The following C9orf153 variants were observed in gnomAD, a reference collection of about 807,000 sequenced individuals.
The protein encoded by C9orf153 is chromosome 9 open reading frame 153, also known as uncharacterized protein C9orf153.
Under a neutral mutation model 9.0 loss-of-function variants are expected in C9orf153, and 10 were observed. That is an observed-to-expected ratio of 1.11 (90% CI 0.69 to 1.89). C9orf153 has a LOEUF of 1.89. Among genes scored for constraint, C9orf153 ranks in the 40% most tolerant of loss-of-function variants. The pLI is 0.00. For missense variants in C9orf153, 108 were observed against 111.0 expected (o/e 0.97, Z 0.12); for synonymous variants, 35 against 37.3 (o/e 0.94, Z 0.23).
rs76594743 is a variant in C9orf153, at chr9:86,238,133, G to A, written c.-26-8504C>T. On this transcript the variant is annotated intron_variant, in intron 1 of 3. Transcript: ENST00000339137. Reference sequence around the variant, plus strand: ...AAAAAACCCAAAACAAACCATGGGAGGCAAAAACTGATAGAAGTACAAGAA... The same window carrying A: ...AAAAAACCCAAAACAAACCATGGGAAGCAAAAACTGATAGAAGTACAAGAA... Among the ~76,000 whole-genome samples the A allele has an allele frequency of 2.9e-3, 440 of 152,094 alleles. 1 individual carries two copies. Among genetic ancestry groups the A allele is most frequent in the African/African-American group, 9.7e-3 (402 of 41,496 alleles).
chr9:86,236,414 T>C (rs748996309), intron 1 of C9orf153, among the ~76,000 whole-genome samples: 16 of 151,930 alleles, frequency 1.1e-4, no homozygotes, highest in Non-Finnish European at 1.8e-4. Flanking sequence ...GCCAGCTTAG[T>C]GGCGTGCATC....
intron 1 of C9orf153, among the ~76,000 whole-genome samples, chr9:86,255,857 G>C (rs1353233645): frequency 6.6e-6 from 1 of 152,172 alleles, no homozygotes; most frequent in Non-Finnish European, 1.5e-5. Flanking sequence ...TCCTACAGGG[G>C]TGTTGTTTTC....
At chr9:86,252,567 ACTATTGGGGCC>A (rs1427585094) in intron 1 of C9orf153, among the ~76,000 whole-genome samples, 1 of 152,172 alleles carries the variant, frequency 6.6e-6, no homozygotes, top group Non-Finnish European at 1.5e-5. Context: ...GAACTTTTTT[ACTATTGGGGCC>A]CCTGGAAGTC....
chr9:86,235,444 C>T (rs972700826), intron 1 of C9orf153, among the ~76,000 whole-genome samples: 6 of 151,990 alleles, frequency 3.9e-5, no homozygotes, highest in East Asian at 1.9e-4. Flanking sequence ...CTCAACAGAA[C>T]GTTCCAAACC....
chr9:86,257,769 T>C (rs1484141138), intron 1 of C9orf153, among the ~76,000 whole-genome samples: 3 of 152,190 alleles, frequency 2.0e-5, no homozygotes. Context: ...CAATCAGACT[T>C]AGCTCCTCAG....
chr9:86,243,345 A>G (rs919097245), intron 1 of C9orf153, among the ~76,000 whole-genome samples: 7 of 152,224 alleles, frequency 4.6e-5, no homozygotes, highest in Admixed American at 2.0e-4. Context: ...ATGTTCAAGT[A>G]TAAACCTTTC....
At chr9:86,248,171 T>C (rs1379020399) in intron 1 of C9orf153, among the ~76,000 whole-genome samples, 4 of 152,182 alleles carry the variant, frequency 2.6e-5, no homozygotes, top group Non-Finnish European at 4.4e-5. Flanking sequence ...TCTCACTCTG[T>C]TGCCCAGGCT....
intron 1 of C9orf153, among the ~76,000 whole-genome samples, chr9:86,257,544 T>C (rs1012705815): frequency 1.3e-5 from 2 of 152,246 alleles, no homozygotes; most frequent in Admixed American, 1.3e-4. Context: ...AAATGCCTAA[T>C]GGACTTTCCT....
chr9:86,226,400 C>A (rs556424412), intron 3 of C9orf153, among the ~76,000 whole-genome samples: 1 of 152,000 alleles, frequency 6.6e-6, no homozygotes, highest in Non-Finnish European at 1.5e-5. Flanking sequence ...TGACTCACTG[C>A]AACCTCTGCC....
rs528968676 is a variant in C9orf153, at chr9:86,235,990, A to G, written c.-26-6361T>C. ...AGAGAACATCAAATAGGTTAAATGCATAAACCCCCCAAAACAAAAAACTTC... is the reference window on the plus strand; with the variant it reads ...AGAGAACATCAAATAGGTTAAATGCGTAAACCCCCCAAAACAAAAAACTTC... On this transcript the variant is annotated intron_variant, in intron 1 of 3. Coordinates refer to ENST00000339137, the MANE Select transcript of C9orf153 (RefSeq NM_001276366.4). Among the ~76,000 whole-genome samples, 9 of 152,260 alleles carry G rather than the reference A, an allele frequency of 5.9e-5. No homozygotes were observed. The East Asian group carries it at 1.7e-3, about 29-fold the overall frequency.
In C9orf153 at chr9:86,246,667, AT is replaced by A. The variant is rs150693986; in HGVS notation, c.-27+12882del. Among the ~76,000 whole-genome samples the A allele has an allele frequency of 4.1e-3, 626 of 152,302 alleles. 3 individuals carry two copies. The highest frequency in any genetic ancestry group is 0.015 in the African/African-American group (607 of 41,562). On this transcript the variant is annotated intron_variant, in intron 1 of 3. Transcript: ENST00000339137. Reference sequence around the variant, plus strand: ...CATGAAAACAGGGTATAAAATGTATATGTGTTATTTAAAGAATAAAAAGACA... The same window carrying A: ...CATGAAAACAGGGTATAAAATGTATAGTGTTATTTAAAGAATAAAAAGACA...
At chr9:86,236,828 A>C (rs2131187220) in intron 1 of C9orf153, among the ~76,000 whole-genome samples, 1 of 150,320 alleles carries the variant, frequency 6.7e-6, no homozygotes, top group East Asian at 2.0e-4. Context: ...AGGCTGGACT[A>C]GGTGGCTCAT....
At chr9:86,240,170 T>TA (rs1177195352) in intron 1 of C9orf153, among the ~76,000 whole-genome samples, 7 of 152,162 alleles carry the variant, frequency 4.6e-5, no homozygotes, top group Non-Finnish European at 1.0e-4. Context: ...TGTACAATTA[T>TA]AATCCCCATT....
intron 1 of C9orf153, among the ~76,000 whole-genome samples, chr9:86,240,876 T>C (rs1824728063): frequency 6.6e-6 from 1 of 151,356 alleles, no homozygotes; most frequent in African/African-American, 2.4e-5. Flanking sequence ...TCCTGGCTAA[T>C]TTTTGTATTT....
rs35119532 is a variant in C9orf153 at position 86,254,090 on chromosome 9, CAAA to C, written c.-27+5457_-27+5459del. On this transcript the variant is annotated intron_variant, in intron 1 of 3. Coordinates refer to ENST00000339137, the MANE Select transcript of C9orf153 (RefSeq NM_001276366.4). ...TGGGAGACAGAGCGAGACTCCATTT[CAAA>C]AAAAAAAAAAAAAAAAAGACTGCAA... Among the ~76,000 whole-genome samples, 564 of 108,190 alleles carry C rather than the reference CAAA, an allele frequency of 5.2e-3. 6 individuals are homozygous for C. The East Asian group carries it at 0.058, about 11-fold the overall frequency. The allele number at this position is 108,190 out of a possible 152,430, so 71.0% of individuals were successfully genotyped here.
intron 1 of C9orf153, among the ~76,000 whole-genome samples, chr9:86,246,348 T>C (rs988061235): frequency 6.6e-6 from 1 of 152,176 alleles, no homozygotes; most frequent in Non-Finnish European, 1.5e-5. Flanking sequence ...ACTAAGGATT[T>C]GGGAAAAGTG....
At chr9:86,246,207 T>G (rs754001656) in intron 1 of C9orf153, among the ~76,000 whole-genome samples, 35 of 152,222 alleles carry the variant, frequency 2.3e-4, no homozygotes, top group Admixed American at 1.9e-3. Context: ...GGCAAAGAGA[T>G]AATAAATCCA....
chr9:86,230,000 G>A (rs1449582152), intron 1 of C9orf153, among the ~76,000 whole-genome samples: 1 of 152,120 alleles, frequency 6.6e-6, no homozygotes, highest in South Asian at 2.1e-4. Context: ...CGGGTCTCAT[G>A]AGAACTCACA....
At chr9:86,228,876 G>C (rs1182414902) in intron 2 of C9orf153, 1 of 219,432 alleles carries the variant, frequency 4.6e-6, no homozygotes, top group Non-Finnish European at 9.8e-6. Flanking sequence ...AAGAGTCTGC[G>C]GCTACAGAGG....
Sources: gnomAD v4.1 joint callset for allele counts (sites outside exome capture counted in the v4.1 genomes callset) on GRCh38, gnomAD v4.1.1 for gene constraint, MANE v1.5 for transcripts, NCBI Gene and HGNC (gene_info 2026-07-23, HGNC 2026-07-21) for gene names.